CHRNA4: variants seen among roughly 807,000 people sequenced by gnomAD.
The protein encoded by CHRNA4 is cholinergic receptor nicotinic alpha 4 subunit.
In CHRNA4, 28 loss-of-function variants were observed where a neutral mutation model predicts 48.9. The ratio of observed to expected loss-of-function variants is 0.57; its 90% CI spans 0.42 to 0.79. The LOEUF (loss-of-function observed/expected upper bound fraction) is 0.79. Ranked by LOEUF, CHRNA4 falls within the 30% of genes least tolerant of loss-of-function variation. The pLI is 0.00. For missense variants in CHRNA4, 859 were observed against 898.4 expected (o/e 0.96, Z 0.56); for synonymous variants, 425 against 402.3 (o/e 1.06, Z -0.68).
intron 1 of CHRNA4, among the ~76,000 whole-genome samples, chr20:63,360,785 C>T (rs977302305): frequency 6.6e-6 from 1 of 152,202 alleles, no homozygotes; most frequent in Non-Finnish European, 1.5e-5. Context: ...GCGAAGGTGG[C>T]CCCACCTCTG....
At chr20:63,359,766 T>A in intron 1 of CHRNA4, 67 bp from the exon 2 acceptor site, 1 of 1,561,016 alleles carries the variant, frequency 6.4e-7, no homozygotes, top group Admixed American at 1.8e-5. Context: ...GTCCAGGAGC[T>A]CTCCAGGCTG....
intron 4 of CHRNA4, among the ~76,000 whole-genome samples, chr20:63,353,845 G>GGT (rs2068663041): frequency 1.2e-5 from 1 of 80,098 alleles, no homozygotes; most frequent in Non-Finnish European, 2.5e-5. Flanking sequence ...AGGGGGCTGT[G>GGT]ACCCTCGGGG....
chr20:63,359,238 C>T (rs2068763958), intron 2 of CHRNA4, among the ~76,000 whole-genome samples: 1 of 152,194 alleles, frequency 6.6e-6, no homozygotes, highest in African/African-American at 2.4e-5. Context: ...CCCGCCACCC[C>T]CAAGCAAGGC....
At chr20:63,347,611 G>A (rs559289285) in intron 5 of CHRNA4, among the ~76,000 whole-genome samples, 13 of 152,318 alleles carry the variant, frequency 8.5e-5, no homozygotes, top group East Asian at 5.8e-4. Context: ...AGCCACTCTC[G>A]AGACAGCCGC....
At chr20:63,353,149 G>A (rs34956487) in intron 4 of CHRNA4, among the ~76,000 whole-genome samples, 150 of 152,320 alleles carry the variant, frequency 9.8e-4, no homozygotes, top group East Asian at 2.3e-3. Context: ...TGGACAGCAG[G>A]GCCCCCAACT....
chr20:63,343,710 C>T lies in CHRNA4; in HGVS notation c.*3028G>A, dbSNP rs192267416. On this transcript the variant is annotated 3_prime_UTR_variant, in exon 6 of 6. Transcript: ENST00000370263. Reference sequence around the variant, plus strand: ...CTGGCCAGGGCCTTCACTGGGGCCTCCCCTGGGAAGGAGGGGGCAGGATGG... The same window carrying T: ...CTGGCCAGGGCCTTCACTGGGGCCTTCCCTGGGAAGGAGGGGGCAGGATGG... 168 of 448,058 alleles carry T rather than the reference C, an allele frequency of 3.7e-4. 1 individual carries two copies. Among genetic ancestry groups the T allele is most frequent in the African/African-American group, 3.0e-3 (149 of 49,938 alleles). The allele number at this position is 448,058 out of a possible 1,614,324, so 27.8% of individuals were successfully genotyped here.
At chr20:63,346,911 C>T (rs762379814) in intron 5 of CHRNA4, 48 bp from the exon 6 acceptor site, 4 of 1,609,932 alleles carry the variant, frequency 2.5e-6, no homozygotes, top group African/African-American at 2.7e-5. Flanking sequence ...CCGCCGCCAG[C>T]GGGGACAGCC....
In CHRNA4 at chr20:63,350,279, T is replaced by C. The variant is rs1405145156; in HGVS notation, c.1132A>G (p.Met378Val). The C allele has an allele frequency of 1.9e-6, 3 of 1,612,266 alleles. No individual in the cohort carries two copies. Among genetic ancestry groups the C allele is most frequent in the Admixed American group, 3.3e-5 (2 of 59,938 alleles). Residue 378 changes from methionine (M) to valine (V), a missense_variant, in exon 5 of 6, where the codon ATG becomes GTG. Physicochemically the swap from Met to Val is conservative, Grantham distance 21 (BLOSUM62 1). Transcript: ENST00000370263. ...GGCCAGAAGCGCGGGGCACTGGCCA[T>C]CTTATGCATGGACTCGATGAGCCGC... ...CRRLIESMHK[M>V]ASAPRFWPEP...
rs1369167310 is a variant in CHRNA4 at position 63,350,489 on chromosome 20, C to A, written c.922G>T (p.Glu308Ter). The A allele has an allele frequency of 1.2e-6, 2 of 1,613,630 alleles. No homozygotes were observed. Among genetic ancestry groups the A allele is most frequent in the East Asian group, 2.2e-5 (1 of 44,852 alleles). The change falls in exon 5 of 6, where the codon GAG becomes TAG. Residue 308 changes from glutamate (E) to a stop codon, truncating the protein, a stop_gained. Coordinates refer to ENST00000370263, the MANE Select transcript of CHRNA4 (RefSeq NM_000744.7). LOFTEE classifies it high-confidence loss of function. ...AAGATCATGGTGAACAGCAGGTACT[C>A]GCCGATGAGTGGGATGACCAGTGAG... Reference protein sequence around the residue: ...STSLVIPLIGEYLLFTMIFVT... With the variant: ...STSLVIPLIG
In CHRNA4 at chr20:63,343,422, G is replaced by C; in HGVS notation, c.*3316C>G. On this transcript the variant is annotated 3_prime_UTR_variant, in exon 6 of 6. Transcript: ENST00000370263. ...TGCTGCGCCTGATCCAGCATTTCTG[G>C]TGCAAGGTGAAAGGACTCAGCCACT... 2.2e-6 allele frequency: 1 copy of C among 454,114 alleles called. No individual in the cohort carries two copies. Among genetic ancestry groups the C allele is most frequent in the South Asian group, 1.6e-5 (1 of 64,482 alleles). 28.1% of individuals were successfully genotyped at this position (454,114 alleles called of 1,614,324 possible).
intron 4 of CHRNA4, among the ~76,000 whole-genome samples, chr20:63,353,722 G>C (rs1411113929): frequency 1.4e-5 from 1 of 69,832 alleles, no homozygotes; most frequent in Non-Finnish European, 3.1e-5. Flanking sequence ...CGGTCCTGGG[G>C]GGGCTGTGGT....
rs1404126144 is a variant in CHRNA4, at chr20:63,345,997, T to C, written c.*741A>G. ...TCCTGGTCTCCAGACTCGCTGGGGC[T>C]GGGTGTTCCTGTCCCCCGCGGAGGG... On this transcript the variant is annotated 3_prime_UTR_variant, in exon 6 of 6. Coordinates refer to ENST00000370263, the MANE Select transcript of CHRNA4 (RefSeq NM_000744.7). The surrounding 1 kb of genome is among the most constrained non-coding windows in gnomAD (Gnocchi z 5.4). 2.2e-6 allele frequency: 1 copy of C among 454,056 alleles called. No homozygotes were observed. Among genetic ancestry groups the C allele is most frequent in the African/African-American group, 2.0e-5 (1 of 50,124 alleles). 28.1% of individuals were successfully genotyped at this position (454,056 alleles called of 1,614,324 possible).
intron 2 of CHRNA4, among the ~76,000 whole-genome samples, chr20:63,356,992 C>CGACCACCTCGCCATG (rs2068728062): frequency 7.0e-6 from 1 of 143,746 alleles, no homozygotes; most frequent in African/African-American, 2.6e-5. Flanking sequence ...ACGTCCCCAC[C>CGACCACCTCGCCATG]GACCACATCT....
chr20:63,354,194 G>GGGGGGGCTGTGGTCCT (rs1568815292), intron 4 of CHRNA4, among the ~76,000 whole-genome samples: 1 of 97,388 alleles, frequency 1.0e-5, no homozygotes, highest in African/African-American at 4.5e-5. Context: ...CTGTGGTCCT[G>GGGGGGGCTGTGGTCCT]GGGGGGCTGT....
At chr20:63,360,647 C>A (rs2068803477) in intron 1 of CHRNA4, among the ~76,000 whole-genome samples, 1 of 152,170 alleles carries the variant, frequency 6.6e-6, no homozygotes, top group Non-Finnish European at 1.5e-5. Flanking sequence ...CCACCCGCGA[C>A]CTTGTCCTTC....
chr20:63,354,540 G>T, intron 4 of CHRNA4: 1 of 957,490 alleles, frequency 1.0e-6, no homozygotes, highest in Non-Finnish European at 1.2e-6. Context: ...AACCTGGTGG[G>T]GGCTGCAGTC....
intron 4 of CHRNA4, chr20:63,355,493 C>T (rs1331765754): frequency 2.3e-6 from 3 of 1,288,796 alleles, no homozygotes; most frequent in African/African-American, 3.0e-5. Flanking sequence ...GGGGCTTCCT[C>T]ACCCCTCTCC....
chr20:63,351,183 A>ACACCC, intron 4 of CHRNA4, 156 bp from the exon 5 acceptor site: 1 of 472,368 alleles, frequency 2.1e-6, no homozygotes, highest in Non-Finnish European at 3.6e-6. Flanking sequence ...GCCCACATCC[A>ACACCC]TGTCCCACGC....
chr20:63,359,897 CTGTGTGTGTGTGTGTGTG>C, intron 1 of CHRNA4, 198 bp from the exon 2 acceptor site: 1 of 435,360 alleles, frequency 2.3e-6, no homozygotes, highest in Non-Finnish European at 4.1e-6. Context: ...CGGGCGTGTG[CTGTGTGTGTGTGTGTGTG>C]TGTGTGTGTG....
Sources: gnomAD v4.1 joint callset for allele counts (sites outside exome capture counted in the v4.1 genomes callset) on GRCh38, gnomAD v4.1.1 for gene constraint, Gnocchi (gnomAD v3.1) non-coding constraint, MANE v1.5 for transcripts, NCBI Gene and HGNC (gene_info 2026-07-23, HGNC 2026-07-21) for gene names.